FOXRED2: variants seen among roughly 807,000 people sequenced by gnomAD.
The protein encoded by FOXRED2 is FAD dependent oxidoreductase domain containing 2, also known as FAD-dependent oxidoreductase domain-containing protein 2.
FOXRED2 carries 32 observed loss-of-function variants against 52.5 expected under a neutral mutation model. The ratio of observed to expected loss-of-function variants is 0.61; its 90% CI spans 0.46 to 0.82. The LOEUF is 0.82. Among genes scored for constraint, FOXRED2 ranks in the 40% least tolerant of loss-of-function variants. The probability of loss-of-function intolerance (pLI) is 0.00; values close to 1 mark genes in which losing one functional copy is unlikely to be tolerated. For missense variants in FOXRED2, 848 were observed against 937.5 expected (o/e 0.90, Z 1.25); for synonymous variants, 405 against 398.1 (o/e 1.02, Z -0.21).
At chr22:36,495,736 G>A (rs1393304648) in intron 7 of FOXRED2, among the ~76,000 whole-genome samples, 3 of 152,210 alleles carry the variant, frequency 2.0e-5, no homozygotes, top group Non-Finnish European at 4.4e-5. Context: ...AGTGCCTGGC[G>A]GAGAGCACGA....
intron 6 of FOXRED2, among the ~76,000 whole-genome samples, chr22:36,496,448 G>C (rs1007926397): frequency 7.2e-5 from 11 of 152,196 alleles, no homozygotes; most frequent in African/African-American, 2.7e-4. Flanking sequence ...CCCAGGCAGA[G>C]AGAACAGTCA....
At chr22:36,501,156 CT>C in intron 5 of FOXRED2, 84 bp downstream of exon 5, 1 of 1,396,052 alleles carries the variant, frequency 7.2e-7, no homozygotes, top group Non-Finnish European at 1.0e-6. Context: ...CCTAATGCTT[CT>C]GGACATAGGA....
In FOXRED2 at chr22:36,489,843, G is replaced by T; in HGVS notation, c.*165C>A. 1.6e-6 allele frequency: 1 copy of T among 634,166 alleles called. No individual in the cohort carries two copies. The highest frequency in any genetic ancestry group is 2.5e-6 in the Non-Finnish European group (1 of 401,780). The allele number at this position is 634,166 out of a possible 1,614,324, so 39.3% of individuals were successfully genotyped here. On this transcript the variant is annotated 3_prime_UTR_variant, in exon 9 of 9. Transcript: ENST00000397224. ...GAGACCACCGCATCCCCGACTTTCA[G>T]CCCTCACGTGCCATCTGGTGGCTTT... is the stretch of plus-strand genomic sequence containing the variant.
rs762043979 is a variant in FOXRED2 at position 36,496,055 on chromosome 22, AAAG to A, written c.1533_1535del (p.Phe512del). The A allele has an allele frequency of 1.2e-6, 2 of 1,614,272 alleles. No homozygotes were observed. The highest frequency in any genetic ancestry group is 1.3e-5 in the African/African-American group (1 of 75,072). ...CTGTGTGCCCCACAGACCGGTCATC[AAAG>A]AAGACGTCCTTGTCGGGGCCAGAGA... is the stretch of plus-strand genomic sequence containing the variant. On this transcript the variant is annotated inframe_deletion, in exon 7 of 9. Transcript: ENST00000397224.
At position 36,498,144 on chromosome 22, in the gene FOXRED2, T is replaced by G; in HGVS notation, c.1229A>C (p.His410Pro). The change falls in exon 6 of 9, where the codon CAC (histidine) becomes CCC (proline). Residue 410 changes from histidine (H) to proline (P), a missense_variant. Physicochemically the swap from His to Pro is moderately conservative, Grantham distance 77. Transcript: ENST00000397224. ...GTGGTGGCGGTGCTCCAGGAGCCGG[T>G]GAACAGCACGCACTGGAACAGCCAG... ...HGFRYTVRAV[H>P]RLLEHRHHSV... 1 of 1,610,844 alleles carries G rather than the reference T, an allele frequency of 6.2e-7. No homozygotes were observed. Among genetic ancestry groups the G allele is most frequent in the Non-Finnish European group, 8.5e-7 (1 of 1,179,840 alleles).
chr22:36,491,231 A>T (rs1031290650), intron 8 of FOXRED2, among the ~76,000 whole-genome samples: 5 of 152,200 alleles, frequency 3.3e-5, no homozygotes, highest in African/African-American at 1.2e-4. Flanking sequence ...AGCTACTGAA[A>T]GGAACAACCG....
chr22:36,490,216 T>C lies in FOXRED2; in HGVS notation c.1847A>G (p.Gln616Arg). ...TCCCTGCATCCTCAGGTACCCCTGCTGGCAAAAGGGTGGCAACTTCTGGCG... is the reference window on the plus strand; with the variant it reads ...TCCCTGCATCCTCAGGTACCCCTGCCGGCAAAAGGGTGGCAACTTCTGGCG... ...LTRQKLPPFC[Q>R]QGYLRMQGLV... The change falls in exon 9 of 9, where the codon CAG becomes CGG. Residue 616 changes from glutamine (Q) to arginine (R), a missense_variant. By Grantham distance (43) the Gln-to-Arg change is conservative. Transcript: ENST00000397224. 5 of 1,613,586 alleles carry C rather than the reference T, an allele frequency of 3.1e-6. No individual in the cohort carries two copies. The highest frequency in any genetic ancestry group is 4.2e-6 in the Non-Finnish European group (5 of 1,179,630).
chr22:36,494,266 G>A (rs564472027), intron 7 of FOXRED2, among the ~76,000 whole-genome samples: 8 of 152,116 alleles, frequency 5.3e-5, no homozygotes, highest in South Asian at 4.2e-4. Context: ...ACAGGTGCCC[G>A]CCACCACACC....
At chr22:36,490,691 C>A (rs980979282) in intron 8 of FOXRED2, among the ~76,000 whole-genome samples, 2 of 152,220 alleles carry the variant, frequency 1.3e-5, no homozygotes, top group Admixed American at 1.3e-4. Flanking sequence ...CCTGCAAAGA[C>A]GCAGTCCCTC....
At position 36,498,080 on chromosome 22, in the gene FOXRED2, C is replaced by G. The variant is rs766514356; in HGVS notation, c.1293G>C (p.Gln431His). The G allele has an allele frequency of 6.2e-7, 1 of 1,613,994 alleles. No individual in the cohort carries two copies. Among genetic ancestry groups the G allele is most frequent in the South Asian group, 1.1e-5 (1 of 91,080 alleles). ...TWPATELPIT[Q>H]LTSSIVRRVN... is the part of the protein sequence containing the mutation. ...CGCGCCGCACGATGGAGCTGGTCAG[C>G]TGTGTGATGGGGAGCTCAGTGGCGG... The change falls in exon 6 of 9, where the codon CAG becomes CAC. Residue 431 changes from glutamine (Q) to histidine (H), a missense_variant. Transcript: ENST00000397224.
Position 36,498,158 on chromosome 22 carries a change from T to G in FOXRED2, c.1217-2A>C. The G allele has an allele frequency of 6.2e-7, 1 of 1,609,422 alleles. No individual in the cohort carries two copies. The highest frequency in any genetic ancestry group is 8.5e-7 in the Non-Finnish European group (1 of 1,179,336). On this transcript the variant is annotated splice_acceptor_variant, in intron 5 of 8. Coordinates refer to ENST00000397224, the MANE Select transcript of FOXRED2 (RefSeq NM_001102371.2). LOFTEE classifies it high-confidence loss of function. Reference sequence around the variant, plus strand: ...CCAGGAGCCGGTGAACAGCACGCACTGGAACAGCCAGAGGGAGGAACGGCA... The same window carrying G: ...CCAGGAGCCGGTGAACAGCACGCACGGGAACAGCCAGAGGGAGGAACGGCA...
intron 5 of FOXRED2, among the ~76,000 whole-genome samples, chr22:36,498,594 A>C (rs1241181149): frequency 6.6e-6 from 1 of 152,218 alleles, no homozygotes; most frequent in East Asian, 1.9e-4. Context: ...CCTTCCCCAG[A>C]AACCTCCCCC....
intron 7 of FOXRED2, among the ~76,000 whole-genome samples, chr22:36,494,283 A>G (rs750034400): frequency 6.6e-6 from 1 of 151,656 alleles, no homozygotes; most frequent in Non-Finnish European, 1.5e-5. Flanking sequence ...CACCGAGCTC[A>G]TATTTTACAT....
rs774615163 is a variant in FOXRED2, at chr22:36,490,244, T to C, written c.1819A>G (p.Thr607Ala). Reference protein sequence around the residue: ...YAESCFLFALTRQKLPPFCQQ... With the variant: ...YAESCFLFALARQKLPPFCQQ... Reference sequence around the variant, plus strand: ...CAAAAGGGTGGCAACTTCTGGCGCGTGAGGGCGAACAGGAAGCAGGACTCT... The same window carrying C: ...CAAAAGGGTGGCAACTTCTGGCGCGCGAGGGCGAACAGGAAGCAGGACTCT... The change falls in exon 9 of 9, where the codon ACG becomes GCG. Residue 607 changes from threonine (T) to alanine (A), a missense_variant. Transcript: ENST00000397224. 5 of 1,611,262 alleles carry C rather than the reference T, an allele frequency of 3.1e-6. No homozygotes were observed. In the Admixed American group the frequency reaches 5.0e-5, roughly 16 times the overall value.
chr22:36,490,624 C>T (rs901661213), intron 8 of FOXRED2, among the ~76,000 whole-genome samples: 1 of 152,246 alleles, frequency 6.6e-6, no homozygotes, highest in Non-Finnish European at 1.5e-5. Flanking sequence ...ATGAGCAGAC[C>T]CTCGGCCTGG....
At chr22:36,499,676 TC>T (rs1176145610) in intron 5 of FOXRED2, among the ~76,000 whole-genome samples, 1 of 112,066 alleles carries the variant, frequency 8.9e-6, no homozygotes, top group Non-Finnish European at 2.0e-5. Context: ...AGATTATGAC[TC>T]CATTCTTTCA....
intron 8 of FOXRED2, among the ~76,000 whole-genome samples, chr22:36,490,658 G>A (rs780876204): frequency 6.6e-5 from 10 of 152,244 alleles, no homozygotes; most frequent in Non-Finnish European, 8.8e-5. Flanking sequence ...TCAGTGGTCA[G>A]TTCCACTGTG....
Position 36,506,438 on chromosome 22 carries a change from A to AGGG in FOXRED2, c.-1-18_-1-16dup. 2.1e-6 allele frequency: 3 copies of AGGG among 1,430,796 alleles called. No individual in the cohort carries two copies. Among genetic ancestry groups the AGGG allele is most frequent in the Non-Finnish European group, 2.7e-6 (3 of 1,096,888 alleles). 88.6% of individuals were successfully genotyped at this position (1,430,796 alleles called of 1,614,324 possible). A position where few individuals can be genotyped will look rare whatever the true frequency, so the allele number is the denominator to read the frequency against. ...AGAGGCCCATCCTGCAGCAGATCAGAGGGGTAAGGCCTCGCACCCGGCCCG... is the reference window on the plus strand; with the variant it reads ...AGAGGCCCATCCTGCAGCAGATCAGAGGGGGGGTAAGGCCTCGCACCCGGCCCG... On this transcript the variant is annotated splice_polypyrimidine_tract_variant and intron_variant, in intron 1 of 8. Coordinates refer to ENST00000397224, the MANE Select transcript of FOXRED2 (RefSeq NM_001102371.2).
intron 8 of FOXRED2, among the ~76,000 whole-genome samples, chr22:36,493,353 C>T (rs370276182): frequency 2.6e-5 from 4 of 151,794 alleles, no homozygotes; most frequent in Non-Finnish European, 5.9e-5. Flanking sequence ...GCAGGAGAAT[C>T]GCTTGAACCC....
Sources: allele counts gnomAD v4.1 joint callset (sites outside exome capture counted in the v4.1 genomes callset), GRCh38; gene constraint gnomAD v4.1.1; transcripts MANE v1.5; gene names NCBI Gene and HGNC (gene_info 2026-07-23, HGNC 2026-07-21).